The following UNC13C variants were observed in gnomAD, a reference collection of about 807,000 sequenced individuals.
UNC13C encodes unc-13 homolog C.
In UNC13C, 174 loss-of-function variants were observed where a neutral mutation model predicts 245.4. That is an observed-to-expected ratio of 0.71 (90% confidence interval 0.63 to 0.80). The LOEUF is 0.80. Among genes scored for constraint, UNC13C ranks in the 30% least tolerant of loss-of-function variants. The pLI, the probability that UNC13C is intolerant of heterozygous loss-of-function variation, is 0.00. For missense variants in UNC13C, 2,829 were observed against 2,602.9 expected (o/e 1.09, Z -1.89); for synonymous variants, 992 against 895.1 (o/e 1.11, Z -1.93).
intron 8 of UNC13C, among the ~76,000 whole-genome samples, chr15:54,257,484 G>T (rs2140878384): frequency 6.6e-6 from 1 of 152,300 alleles, no homozygotes; most frequent in Non-Finnish European, 1.5e-5. Context: ...GATTGAATAT[G>T]GTGGGGATGG....
intron 10 of UNC13C, among the ~76,000 whole-genome samples, chr15:54,293,170 G>A (rs2037345353): frequency 6.6e-6 from 1 of 151,832 alleles, no homozygotes; most frequent in African/African-American, 2.4e-5. Flanking sequence ...TGCAGGAAAA[G>A]TGATATACAT....
chr15:54,219,786 G>T lies in UNC13C; in HGVS notation c.3072-15244G>T, dbSNP rs1412176991. On this transcript the variant is annotated intron_variant, in intron 4 of 32. Coordinates refer to ENST00000260323, the MANE Select transcript of UNC13C (RefSeq NM_001080534.3). ...CAACCCCATCAAAAAGTGGGCAAAG[G>T]ATATGAACAGACACTTCTCAAAAGA... is the stretch of plus-strand genomic sequence containing the variant. Among the ~76,000 whole-genome samples, 2 of 151,088 alleles carry T rather than the reference G, an allele frequency of 1.3e-5. 1 individual carries two copies. Among genetic ancestry groups the T allele is most frequent in the South Asian group, 4.2e-4 (2 of 4,802 alleles).
intron 4 of UNC13C, among the ~76,000 whole-genome samples, chr15:54,226,850 C>T (rs1406944106): frequency 1.3e-5 from 2 of 152,128 alleles, no homozygotes; most frequent in Admixed American, 6.5e-5. Context: ...AGCTTGGAGA[C>T]ATCAGAAACT....
At chr15:54,224,780 C>T (rs532891114) in intron 4 of UNC13C, among the ~76,000 whole-genome samples, 5 of 152,124 alleles carry the variant, frequency 3.3e-5, no homozygotes, top group Non-Finnish European at 7.4e-5. Flanking sequence ...AGGTCCCAGG[C>T]TTTTCTATGC....
the UNC13C span, among the ~76,000 whole-genome samples, chr15:53,921,507 A>G: frequency 5.3e-5 from 8 of 152,242 alleles, no homozygotes; most frequent in African/African-American, 1.9e-4. Flanking sequence ...GAGACTATAT[A>G]TTGCATACGA....
chr15:54,303,625 C>CTT lies in UNC13C; in HGVS notation c.4268+3266_4268+3267dup, dbSNP rs55751740. Among the ~76,000 whole-genome samples, 146 of 142,516 alleles carry CTT rather than the reference C, an allele frequency of 1.0e-3. 1 individual carries two copies. The highest frequency in any genetic ancestry group is 3.2e-3 in the African/African-American group (124 of 38,796). 93.5% of individuals were successfully genotyped at this position (142,516 alleles called of 152,430 possible). Reference sequence around the variant, plus strand: ...ATCTAAGTAAAAGATAAGTATTTTTCTTTTTTTTTTTTTTTCCAGTTAATT... The same window carrying CTT: ...ATCTAAGTAAAAGATAAGTATTTTTCTTTTTTTTTTTTTTTTTCCAGTTAATT... On this transcript the variant is annotated intron_variant, in intron 13 of 32. Transcript: ENST00000260323.
chr15:54,123,521 CA>C (rs1413183767), intron 2 of UNC13C, among the ~76,000 whole-genome samples: 2 of 151,558 alleles, frequency 1.3e-5, no homozygotes, highest in African/African-American at 2.4e-5. Context: ...AAATCAAATT[CA>C]AAAGTAATAA....
the UNC13C span, among the ~76,000 whole-genome samples, chr15:53,871,980 T>C: frequency 6.6e-6 from 1 of 152,202 alleles, no homozygotes; most frequent in Non-Finnish European, 1.5e-5. Context: ...CTGCAGTGTG[T>C]GTATGGAGAT....
chr15:53,977,880 T>C (rs1193999649), upstream of UNC13C, among the ~76,000 whole-genome samples: 3 of 152,228 alleles, frequency 2.0e-5, no homozygotes, highest in Admixed American at 6.5e-5. Flanking sequence ...TTACCCATCA[T>C]TTCCCACTTT....
At chr15:54,005,882 TGATATTTAAGGGAAATTAGATGG>T (rs898320043) in intron 1 of UNC13C, among the ~76,000 whole-genome samples, 1 of 151,918 alleles carries the variant, frequency 6.6e-6, no homozygotes, top group Non-Finnish European at 1.5e-5. Flanking sequence ...GAGAAGAAAA[TGATATTTAAGGGAAATTAGATGG>T]GATATTTAAG....
intron 24 of UNC13C, among the ~76,000 whole-genome samples, chr15:54,515,206 C>G (rs1408315393): frequency 1.3e-5 from 2 of 152,060 alleles, no homozygotes; most frequent in Non-Finnish European, 2.9e-5. Flanking sequence ...AATCACTATA[C>G]TAAAACAAGT....
intron 2 of UNC13C, among the ~76,000 whole-genome samples, chr15:54,113,549 T>C (rs185340985): frequency 1.3e-5 from 2 of 152,156 alleles, no homozygotes; most frequent in African/African-American, 4.8e-5. Context: ...AGGTTGCTTG[T>C]TAAAACATTA....
intron 8 of UNC13C, among the ~76,000 whole-genome samples, chr15:54,259,954 C>T (rs560100895): frequency 7.0e-4 from 106 of 151,518 alleles, no homozygotes; most frequent in African/African-American, 2.5e-3. Context: ...AGAATTGTGG[C>T]CTTAGGGCAG....
rs370724511 is a variant in UNC13C, at chr15:54,523,299, T to C, written c.5458-2250T>C. On this transcript the variant is annotated intron_variant, in intron 24 of 32. Coordinates refer to ENST00000260323, the MANE Select transcript of UNC13C (RefSeq NM_001080534.3). ...AAAAGATCTGCAATTTGAAGAGCCA[T>C]GTACACTGGCCTCAGAATTGCTTTG... Among the ~76,000 whole-genome samples the C allele has an allele frequency of 5.3e-5, 8 of 152,320 alleles. 1 individual carries two copies. In the South Asian group the frequency reaches 6.2e-4, roughly 12 times the overall value.
rs557305622 is a variant in UNC13C, at chr15:54,408,358, T to A, written c.4848-6624T>A. On this transcript the variant is annotated intron_variant, in intron 18 of 32. Coordinates refer to ENST00000260323, the MANE Select transcript of UNC13C (RefSeq NM_001080534.3). ...TTATTAAATTTCCCTTTACATCTCCTCTAAATATCAAACAAACTCATTGAA... is the reference window on the plus strand; with the variant it reads ...TTATTAAATTTCCCTTTACATCTCCACTAAATATCAAACAAACTCATTGAA... 1.3e-3 allele frequency among the ~76,000 whole-genome samples: 204 copies of A among 152,180 alleles called. 1 individual carries two copies. The highest frequency in any genetic ancestry group is 4.7e-3 in the African/African-American group (194 of 41,544).
At chr15:54,117,531 C>CTT (rs1269334326) in intron 2 of UNC13C, among the ~76,000 whole-genome samples, 5 of 126,396 alleles carry the variant, frequency 4.0e-5, no homozygotes, top group Non-Finnish European at 6.6e-5. Context: ...GTTTCTCTCT[C>CTT]TCTCTCTCTC....
At chr15:53,986,665 A>T (rs779824446) in intron 1 of UNC13C, among the ~76,000 whole-genome samples, 2 of 152,026 alleles carry the variant, frequency 1.3e-5, no homozygotes, top group African/African-American at 4.8e-5. Context: ...CACTTTCTGG[A>T]TGTCTGTTTT....
chr15:54,424,139 TCTC>T (rs1296345681), intron 19 of UNC13C, among the ~76,000 whole-genome samples: 4 of 151,652 alleles, frequency 2.6e-5, no homozygotes, highest in Non-Finnish European at 5.9e-5. Flanking sequence ...AATTTGGCTG[TCTC>T]CTCATTAAAT....
the UNC13C span, among the ~76,000 whole-genome samples, chr15:53,883,854 A>G: frequency 1.3e-5 from 2 of 152,188 alleles, no homozygotes; most frequent in Admixed American, 6.5e-5. Flanking sequence ...AAGCCTCACT[A>G]TTTCCTCAAA....
Sources: gnomAD v4.1 joint callset for allele counts (sites outside exome capture counted in the v4.1 genomes callset) on GRCh38, gnomAD v4.1.1 for gene constraint, MANE v1.5 for transcripts, NCBI Gene and HGNC (gene_info 2026-07-23, HGNC 2026-07-21) for gene names.